The following MYO1E variants were observed in gnomAD, a reference collection of about 807,000 sequenced individuals.
MYO1E encodes the protein unconventional myosin-Ie.
MYO1E carries 68 observed loss-of-function variants against 151.1 expected under a neutral mutation model. The observed-to-expected ratio is 0.45, with a 90% confidence interval of 0.37 to 0.55. The LOEUF (loss-of-function observed/expected upper bound fraction) is 0.55, where lower values mean the gene tolerates loss of function less well. Ranked by LOEUF, MYO1E falls within the 20% of genes least tolerant of loss-of-function variation. The pLI, the probability that MYO1E is intolerant of heterozygous loss-of-function variation, is 0.00. For synonymous variants in MYO1E, 601 were observed against 501.7 expected, an observed-to-expected ratio of 1.20 and a Z score of -2.64; for missense variants, 1,363 against 1,389.3, an observed-to-expected ratio of 0.98 and a Z score of 0.30.
intron 25 of MYO1E, among the ~76,000 whole-genome samples, chr15:59,155,191 C>T (rs1333006001): frequency 6.6e-6 from 1 of 152,224 alleles, no homozygotes; most frequent in Non-Finnish European, 1.5e-5. Flanking sequence ...GGCTGCTCCA[C>T]ATGCTGCTCG....
intron 4 of MYO1E, among the ~76,000 whole-genome samples, chr15:59,252,068 A>G (rs1206591127): frequency 2.0e-5 from 3 of 152,270 alleles, no homozygotes; most frequent in Admixed American, 2.0e-4. Flanking sequence ...ATTGTTCAGC[A>G]TAAGATAAAT....
At chr15:59,303,649 A>G (rs1175954485) in intron 1 of MYO1E, among the ~76,000 whole-genome samples, 2 of 152,272 alleles carry the variant, frequency 1.3e-5, no homozygotes, top group Non-Finnish European at 2.9e-5. Context: ...TAAGCAGCAT[A>G]ATCCCACAGC....
chr15:59,282,339 A>G (rs1352978773), intron 1 of MYO1E, among the ~76,000 whole-genome samples: 2 of 152,142 alleles, frequency 1.3e-5, no homozygotes, highest in African/African-American at 4.8e-5. Context: ...CCACCTCAGA[A>G]AACCCTCCCA....
intron 1 of MYO1E, among the ~76,000 whole-genome samples, chr15:59,349,939 C>T (rs562374763): frequency 1.1e-4 from 17 of 152,114 alleles, no homozygotes; most frequent in Non-Finnish European, 1.3e-4. Flanking sequence ...AACACTAATG[C>T]GGTAACTCTA....
At chr15:59,356,048 T>C (rs1356542894) in intron 1 of MYO1E, among the ~76,000 whole-genome samples, 1 of 152,204 alleles carries the variant, frequency 6.6e-6, no homozygotes, top group Non-Finnish European at 1.5e-5. Flanking sequence ...CATCTACACT[T>C]GTGAAAATCA....
rs1435226124 is a variant in MYO1E at position 59,207,023 on chromosome 15, T to C, written c.1531-1538A>G. ...AATTTCCTATGCCTGGGGATGGCCC[T>C]GTGTCCGCGTCAAGCAACGCGCATC... On this transcript the variant is annotated intron_variant, in intron 14 of 27. Coordinates refer to ENST00000288235, the MANE Select transcript of MYO1E (RefSeq NM_004998.4). The C allele has an allele frequency of 7.4e-6, 12 of 1,613,646 alleles. No individual in the cohort carries two copies. In the East Asian group the frequency reaches 2.5e-4, roughly 33 times the overall value.
In MYO1E at chr15:59,147,603, A is replaced by AAAAC. The variant is rs1357063973; in HGVS notation, c.3080+5986_3080+5987insGTTT. Among the ~76,000 whole-genome samples, 73 of 151,038 alleles carry AAAAC rather than the reference A, an allele frequency of 4.8e-4. 2 individuals carry two copies. Among genetic ancestry groups the AAAAC allele is most frequent in the African/African-American group, 1.7e-3 (71 of 41,200 alleles). The stretch of plus-strand genomic sequence containing the variant: ...CAGAGTGAGACTCTGTCTCAAAAAA[A>AAAAC]AAAAAAAAAAAACAATACAAAAAAA... On this transcript the variant is annotated intron_variant, in intron 26 of 27. Transcript: ENST00000288235.
chr15:59,255,975 C>G (rs1181563682), intron 4 of MYO1E, among the ~76,000 whole-genome samples: 1 of 152,116 alleles, frequency 6.6e-6, no homozygotes, highest in Admixed American at 6.5e-5. Context: ...CAAACATGAA[C>G]TACTAAATTA....
chr15:59,203,264 A>T (rs1208420452), intron 15 of MYO1E, among the ~76,000 whole-genome samples: 1 of 151,468 alleles, frequency 6.6e-6, no homozygotes, highest in African/African-American at 2.4e-5. Flanking sequence ...TGCTCACCAG[A>T]TGCCAGTAGC....
At chr15:59,371,045 G>A (rs1366783881) in intron 1 of MYO1E, among the ~76,000 whole-genome samples, 6 of 152,176 alleles carry the variant, frequency 3.9e-5, no homozygotes, top group African/African-American at 1.4e-4. Flanking sequence ...CTTAAAACTA[G>A]AAGAGGAAAT....
chr15:59,160,996 C>T (rs2079534884), intron 24 of MYO1E, 77 bp downstream of exon 24: 7 of 1,572,204 alleles, frequency 4.5e-6, no homozygotes, highest in South Asian at 2.2e-5. Flanking sequence ...CACATCTGTG[C>T]ACATGTTTGC....
intron 1 of MYO1E, among the ~76,000 whole-genome samples, chr15:59,345,399 G>A (rs550165861): frequency 6.6e-6 from 1 of 152,260 alleles, no homozygotes; most frequent in South Asian, 2.1e-4. Context: ...TCAAAATCCT[G>A]TGCTCAAGGG....
chr15:59,298,387 G>A (rs906618807), intron 1 of MYO1E, among the ~76,000 whole-genome samples: 2 of 152,202 alleles, frequency 1.3e-5, no homozygotes, highest in East Asian at 3.8e-4. Context: ...GCTGTGCCCT[G>A]ATCAGTGATA....
intron 1 of MYO1E, among the ~76,000 whole-genome samples, chr15:59,336,583 CT>C (rs144852935): frequency 0.023 from 3,423 of 152,080 alleles, 129 homozygotes; most frequent in African/African-American, 0.077. Context: ...TAGTACACCC[CT>C]GGTCTTTTTT....
intron 12 of MYO1E, 117 bp downstream of exon 12, chr15:59,214,111 A>G: frequency 2.6e-6 from 2 of 771,114 alleles, no homozygotes; most frequent in East Asian, 2.7e-5. Context: ...ACTTTATTAG[A>G]TGCATTTCCT....
chr15:59,214,341 A>C (rs760358163), intron 11 of MYO1E, 27 bp from the exon 12 acceptor site: 1 of 1,496,412 alleles, frequency 6.7e-7, no homozygotes, highest in East Asian at 2.3e-5. Context: ...ATTCACATGT[A>C]ATTCTTTCAC....
intron 1 of MYO1E, among the ~76,000 whole-genome samples, chr15:59,292,323 A>C (rs1431778300): frequency 6.6e-6 from 1 of 152,214 alleles, no homozygotes; most frequent in African/African-American, 2.4e-5. Flanking sequence ...CTTTTCCTAC[A>C]TGTGTTTCTA....
chr15:59,310,170 C>T (rs574805708), intron 1 of MYO1E, among the ~76,000 whole-genome samples: 1 of 152,132 alleles, frequency 6.6e-6, no homozygotes, highest in South Asian at 2.1e-4. Context: ...AGCTTCCTAG[C>T]GCTCACGAAG....
chr15:59,252,909 A>G (rs1190992110), intron 4 of MYO1E, among the ~76,000 whole-genome samples: 1 of 152,144 alleles, frequency 6.6e-6, no homozygotes, highest in Non-Finnish European at 1.5e-5. Context: ...AAGCAAAGGA[A>G]AAAGAAAAGA....
Sources: gnomAD v4.1 joint callset for allele counts (sites outside exome capture counted in the v4.1 genomes callset) on GRCh38, gnomAD v4.1.1 for gene constraint, MANE v1.5 for transcripts, NCBI Gene and HGNC (gene_info 2026-07-23, HGNC 2026-07-21) for gene names.